The following LIN28A variants were observed in gnomAD, a reference collection of about 807,000 sequenced individuals.
The protein encoded by LIN28A is protein lin-28 homolog A.
In LIN28A, 11 loss-of-function variants were observed where a neutral mutation model predicts 21.1. That is an observed-to-expected ratio of 0.52 (90% CI 0.33 to 0.86). The LOEUF (loss-of-function observed/expected upper bound fraction) is 0.86, where lower values mean the gene tolerates loss of function less well. Ranked by LOEUF, LIN28A falls within the 40% of genes least tolerant of loss-of-function variation. The probability of loss-of-function intolerance (pLI) is 0.03; values close to 1 mark genes in which losing one functional copy is unlikely to be tolerated. For synonymous variants in LIN28A, 111 were observed against 108.7 expected (o/e 1.02, Z -0.13); for missense variants, 219 against 279.8 (o/e 0.78, Z 1.55).
intron 2 of LIN28A, among the ~76,000 whole-genome samples, chr1:26,421,738 T>C (rs2075029704): frequency 6.6e-6 from 1 of 152,200 alleles, no homozygotes; most frequent in East Asian, 1.9e-4. Flanking sequence ...TTTTCCATTT[T>C]AATCCTCTGA....
chr1:26,422,723 T>C (rs2075034684), intron 2 of LIN28A, among the ~76,000 whole-genome samples: 1 of 152,200 alleles, frequency 6.6e-6, no homozygotes, highest in Admixed American at 6.5e-5. Flanking sequence ...CTTGCTGTTT[T>C]TCCCTTTGTA....
At chr1:26,413,820 TGTTGC>T (rs1429133896) in intron 2 of LIN28A, among the ~76,000 whole-genome samples, 130 of 133,430 alleles carry the variant, frequency 9.7e-4, no homozygotes, top group African/African-American at 3.0e-3. Context: ...TTTGTTTGTT[TGTTGC>T]TTTTTTTTTT....
intron 2 of LIN28A, among the ~76,000 whole-genome samples, chr1:26,412,635 C>G (rs916847614): frequency 1.3e-5 from 2 of 151,584 alleles, no homozygotes; most frequent in Admixed American, 6.6e-5. Context: ...ACACCCAGGC[C>G]GGGCAGGGAG....
chr1:26,413,782 T>G (rs906453270), intron 2 of LIN28A, among the ~76,000 whole-genome samples: 8 of 151,530 alleles, frequency 5.3e-5, no homozygotes, highest in African/African-American at 1.9e-4. Flanking sequence ...GTGATTCCAG[T>G]CTTTGCACTT....
intron 3 of LIN28A, 96 bp downstream of exon 3, chr1:26,425,583 A>G (rs1228094923): frequency 1.4e-5 from 17 of 1,185,312 alleles, no homozygotes; most frequent in Non-Finnish European, 2.1e-5. Context: ...GACAAAGGGA[A>G]GCCTGTGGTC....
At chr1:26,416,580 C>T (rs569240158) in intron 2 of LIN28A, among the ~76,000 whole-genome samples, 4 of 152,198 alleles carry the variant, frequency 2.6e-5, no homozygotes, top group African/African-American at 9.6e-5. Flanking sequence ...GGAGAATACA[C>T]AGTTGATACA....
intron 2 of LIN28A, among the ~76,000 whole-genome samples, chr1:26,421,134 T>C (rs942837465): frequency 2.6e-5 from 4 of 152,210 alleles, no homozygotes; most frequent in East Asian, 1.9e-4. Flanking sequence ...ATTCCATACA[T>C]ATTGTTCTAA....
At chr1:26,421,538 TCTTAA>T (rs1355894440) in intron 2 of LIN28A, among the ~76,000 whole-genome samples, 5 of 152,234 alleles carry the variant, frequency 3.3e-5, no homozygotes, top group East Asian at 3.8e-4. Context: ...TGATTATCTG[TCTTAA>T]CTTTTCAGTA....
At chr1:26,423,397 CCT>C (rs1491196373) in intron 2 of LIN28A, among the ~76,000 whole-genome samples, 3 of 133,358 alleles carry the variant, frequency 2.2e-5, no homozygotes, top group East Asian at 4.7e-4. Context: ...ATTATGATTT[CCT>C]TTTTTTTCTT....
At chr1:26,420,902 G>T (rs542243622) in intron 2 of LIN28A, among the ~76,000 whole-genome samples, 2 of 152,226 alleles carry the variant, frequency 1.3e-5, no homozygotes, top group African/African-American at 4.8e-5. Context: ...TGTCACCTCC[G>T]CTAATGTCAA....
intron 2 of LIN28A, among the ~76,000 whole-genome samples, chr1:26,423,269 GGA>G (rs983099874): frequency 6.6e-6 from 1 of 151,904 alleles, no homozygotes; most frequent in Admixed American, 6.6e-5. Flanking sequence ...TTGAACTCCT[GGA>G]TTCATGTGAT....
rs975607138 is a variant in LIN28A, at chr1:26,428,745, C to G, written c.*2287C>G. On this transcript the variant is annotated 3_prime_UTR_variant, in exon 4 of 4. Transcript: ENST00000326279. ...TAGAGACGGGGTTTCACCATGTTGT[C>G]CAGGCTGGTCTGGAACTCCTGACCT... is the stretch of plus-strand genomic sequence containing the variant. 2 of 149,248 alleles carry G rather than the reference C, an allele frequency of 1.3e-5. No homozygotes were observed. Among genetic ancestry groups the G allele is most frequent in the Non-Finnish European group, 3.0e-5 (2 of 67,552 alleles). The allele number at this position is 149,248 out of a possible 1,614,324, so 9.2% of individuals were successfully genotyped here. A position where few individuals can be genotyped will look rare whatever the true frequency, so the allele number is the denominator to read the frequency against.
At chr1:26,419,120 G>T (rs1436223542) in intron 2 of LIN28A, among the ~76,000 whole-genome samples, 2 of 152,194 alleles carry the variant, frequency 1.3e-5, no homozygotes, top group East Asian at 1.9e-4. Context: ...TGTGTGGTTG[G>T]GGGTGGAATG....
intron 2 of LIN28A, among the ~76,000 whole-genome samples, chr1:26,420,913 G>A (rs1399064266): frequency 1.3e-5 from 2 of 152,166 alleles, no homozygotes; most frequent in Admixed American, 1.3e-4. Context: ...CTAATGTCAA[G>A]TTGGTGGTGC....
At position 26,417,743 on chromosome 1, in the gene LIN28A, C is replaced by T. The variant is rs189418120; in HGVS notation, c.228+6161C>T. Among the ~76,000 whole-genome samples the T allele has an allele frequency of 8.5e-5, 13 of 152,288 alleles. No homozygotes were observed. In the East Asian group the frequency reaches 1.7e-3, roughly 20 times the overall value. On this transcript the variant is annotated intron_variant, in intron 2 of 3. Transcript: ENST00000326279. ...GTAAAGTGGTTAGAATGCCACTTAG[C>T]CTACAGTAAGAATCAATTAGTAACA...
In LIN28A at chr1:26,426,591, A is replaced by T; in HGVS notation, c.*133A>T. ...ATCTCAGGCTTGGGTTCACACCATC[A>T]CCCTTTCTTCCCTCTAGGTGGGGGG... On this transcript the variant is annotated 3_prime_UTR_variant, in exon 4 of 4. Transcript: ENST00000326279. 1.4e-6 allele frequency: 1 copy of T among 692,314 alleles called. No homozygotes were observed. Among genetic ancestry groups the T allele is most frequent in the South Asian group, 1.8e-5 (1 of 55,886 alleles). The allele number at this position is 692,314 out of a possible 1,614,324, so 42.9% of individuals were successfully genotyped here. A position where few individuals can be genotyped will look rare whatever the true frequency, so the allele number is the denominator to read the frequency against.
chr1:26,426,862 C>T lies in LIN28A; in HGVS notation c.*404C>T, dbSNP rs1256058821. 5.3e-6 allele frequency: 1 copy of T among 189,418 alleles called. No individual in the cohort carries two copies. Among genetic ancestry groups the T allele is most frequent in the Non-Finnish European group, 1.1e-5 (1 of 90,040 alleles). The allele number at this position is 189,418 out of a possible 1,614,324, so 11.7% of individuals were successfully genotyped here. A position where few individuals can be genotyped will look rare whatever the true frequency, so the allele number is the denominator to read the frequency against. The stretch of plus-strand genomic sequence containing the variant: ...CCAGATTCATGGAGCCAAGCCACTA[C>T]ATTCTGTGGAAGGAGATCTCTCAGG... On this transcript the variant is annotated 3_prime_UTR_variant, in exon 4 of 4. Transcript: ENST00000326279.
chr1:26,411,370 C>A lies in LIN28A; in HGVS notation c.32-16C>A. 6.4e-7 allele frequency: 1 copy of A among 1,560,952 alleles called. No individual in the cohort carries two copies. Among genetic ancestry groups the A allele is most frequent in the Non-Finnish European group, 8.6e-7 (1 of 1,158,428 alleles). ...CCGTGCCCCCCAGCTAAGTGCCCGG[C>A]CCTCCCTCTCTCCAGGTGGCTGCGC... On this transcript the variant is annotated splice_polypyrimidine_tract_variant and intron_variant, in intron 1 of 3. Coordinates refer to ENST00000326279, the MANE Select transcript of LIN28A (RefSeq NM_024674.6). The surrounding 1 kb of genome is among the most constrained non-coding windows in gnomAD (Gnocchi z 5.4).
At chr1:26,413,745 A>G (rs111605100) in intron 2 of LIN28A, among the ~76,000 whole-genome samples, 5 of 150,934 alleles carry the variant, frequency 3.3e-5, no homozygotes, top group African/African-American at 1.2e-4. Context: ...GGGTCCTCCA[A>G]CCCCACCTTA....
Sources: allele counts gnomAD v4.1 joint callset (sites outside exome capture counted in the v4.1 genomes callset), GRCh38; gene constraint gnomAD v4.1.1; non-coding constraint Gnocchi (gnomAD v3.1); transcripts MANE v1.5; gene names NCBI Gene and HGNC (gene_info 2026-07-23, HGNC 2026-07-21).